NPSR1: variants seen among roughly 807,000 people sequenced by gnomAD.
NPSR1 encodes the protein neuropeptide S receptor.
A neutral mutation model predicts 46.9 loss-of-function variants in NPSR1; 48 were observed. The ratio of observed to expected loss-of-function variants is 1.02; its 90% CI spans 0.81 to 1.30. The LOEUF (loss-of-function observed/expected upper bound fraction) is 1.30, where lower values mean the gene tolerates loss of function less well. Among genes scored for constraint, NPSR1 ranks in the 50% most tolerant of loss-of-function variants. The probability of loss-of-function intolerance (pLI) is 0.00; values close to 1 mark genes in which losing one functional copy is unlikely to be tolerated. For synonymous variants in NPSR1, 176 were observed against 168.1 expected (o/e 1.05, Z -0.36); for missense variants, 450 against 449.5 (o/e 1.00, Z -0.01).
rs187609039 is a variant in NPSR1 at position 34,686,402 on chromosome 7, T to C, written c.280+1718T>C. 6.8e-3 allele frequency among the ~76,000 whole-genome samples: 1,034 copies of C among 152,254 alleles called. 7 individuals carry two copies. Among genetic ancestry groups the C allele is most frequent in the South Asian group, 0.019 (90 of 4,822 alleles). ...TTATATATTATTGAAATTTCCTTCA[T>C]ACACATTTTAGCATGATCACAGATC... On this transcript the variant is annotated intron_variant, in intron 2 of 8. Transcript: ENST00000360581.
intron 7 of NPSR1, among the ~76,000 whole-genome samples, chr7:34,847,769 G>A (rs1052995485): frequency 2.6e-5 from 4 of 152,130 alleles, no homozygotes; most frequent in African/African-American, 4.8e-5. Flanking sequence ...CTCCAGAAAC[G>A]TCTTCATACA....
intron 2 of NPSR1, among the ~76,000 whole-genome samples, chr7:34,743,670 C>T (rs193101326): frequency 6.6e-6 from 1 of 152,154 alleles, no homozygotes; most frequent in Non-Finnish European, 1.5e-5. Flanking sequence ...GAACTCCTAA[C>T]CTCGTATCAG....
chr7:34,730,959 G>A (rs899814102), intron 2 of NPSR1, among the ~76,000 whole-genome samples: 1 of 152,054 alleles, frequency 6.6e-6, no homozygotes, highest in Non-Finnish European at 1.5e-5. Context: ...TAGTAAAATA[G>A]GTTAAAGTTT....
At chr7:34,805,180 C>T (rs1324294583) in intron 3 of NPSR1, among the ~76,000 whole-genome samples, 1 of 151,634 alleles carries the variant, frequency 6.6e-6, no homozygotes, top group African/African-American at 2.4e-5. Flanking sequence ...TATAAACAAA[C>T]TCTAAAATCA....
chr7:34,793,545 T>A (rs1466115063), intron 3 of NPSR1, among the ~76,000 whole-genome samples: 3 of 152,120 alleles, frequency 2.0e-5, no homozygotes, highest in Non-Finnish European at 4.4e-5. Flanking sequence ...CTAGTTAGAA[T>A]GGCTACTACA....
At chr7:34,791,106 A>G (rs1176960076) in intron 3 of NPSR1, among the ~76,000 whole-genome samples, 1 of 92,082 alleles carries the variant, frequency 1.1e-5, no homozygotes, top group African/African-American at 5.1e-5. Context: ...TATATATAAT[A>G]TGTTATATAA....
At chr7:34,774,998 A>G (rs1273555822) in intron 2 of NPSR1, among the ~76,000 whole-genome samples, 2 of 152,180 alleles carry the variant, frequency 1.3e-5, no homozygotes, top group Non-Finnish European at 2.9e-5. Flanking sequence ...GTATTCTAGC[A>G]GACTTTCACT....
At chr7:34,752,463 G>C (rs1272902738) in intron 2 of NPSR1, among the ~76,000 whole-genome samples, 1 of 152,154 alleles carries the variant, frequency 6.6e-6, no homozygotes, top group East Asian at 1.9e-4. Flanking sequence ...ATTTTGTCAT[G>C]CCTTAAGTCC....
intron 2 of NPSR1, among the ~76,000 whole-genome samples, chr7:34,693,060 C>G (rs970260354): frequency 1.1e-4 from 17 of 152,142 alleles, no homozygotes; most frequent in Non-Finnish European, 2.9e-5. Flanking sequence ...TTTGTGAGAT[C>G]TGGTGTTGCA....
intron 2 of NPSR1, among the ~76,000 whole-genome samples, chr7:34,749,247 G>A (rs1339257352): frequency 6.6e-6 from 1 of 152,118 alleles, no homozygotes; most frequent in Admixed American, 6.5e-5. Flanking sequence ...GGGAATGTGT[G>A]GAAAAAGGCA....
At chr7:34,812,810 T>G (rs1789053288) in intron 4 of NPSR1, among the ~76,000 whole-genome samples, 1 of 152,126 alleles carries the variant, frequency 6.6e-6, no homozygotes, top group Non-Finnish European at 1.5e-5. Flanking sequence ...ACCACAAAAA[T>G]GAGTGCAATC....
chr7:34,827,796 G>C (rs1389204859), intron 5 of NPSR1, among the ~76,000 whole-genome samples, 194 bp downstream of exon 5: 2 of 152,110 alleles, frequency 1.3e-5, no homozygotes, highest in Non-Finnish European at 2.9e-5. Flanking sequence ...AAGGAGAAGG[G>C]AATTAACAAT....
chr7:34,781,660 C>T (rs1341415638), intron 3 of NPSR1, among the ~76,000 whole-genome samples: 1 of 152,184 alleles, frequency 6.6e-6, no homozygotes, highest in Non-Finnish European at 1.5e-5. Context: ...TCCTCCTATC[C>T]CCCAAGAAGC....
intron 2 of NPSR1, among the ~76,000 whole-genome samples, chr7:34,716,116 A>G (rs1260205894): frequency 6.6e-6 from 1 of 152,118 alleles, no homozygotes; most frequent in Non-Finnish European, 1.5e-5. Context: ...CAGTATGCAA[A>G]TGGGTGATCT....
At chr7:34,824,298 C>T (rs941430852) in intron 4 of NPSR1, among the ~76,000 whole-genome samples, 1 of 152,114 alleles carries the variant, frequency 6.6e-6, no homozygotes, top group Non-Finnish European at 1.5e-5. Flanking sequence ...AAGAGGAAGG[C>T]TAAGCGGCAG....
In NPSR1 at chr7:34,756,183, G is replaced by A. The variant is rs570013511; in HGVS notation, c.281-22279G>A. ...AACAGCTCGGATTGTTCTCCCCACC[G>A]CCCCCCTACTTCCTGTCCTAATTAA... is the stretch of plus-strand genomic sequence containing the variant. On this transcript the variant is annotated intron_variant, in intron 2 of 8. Coordinates refer to ENST00000360581, the MANE Select transcript of NPSR1 (RefSeq NM_207172.2). Among the ~76,000 whole-genome samples the A allele has an allele frequency of 9.9e-5, 15 of 152,150 alleles. No individual in the cohort carries two copies. In the East Asian group the frequency reaches 2.1e-3, roughly 22 times the overall value.
intron 2 of NPSR1, among the ~76,000 whole-genome samples, chr7:34,687,316 C>T (rs1466276410): frequency 6.6e-6 from 1 of 152,136 alleles, no homozygotes; most frequent in Non-Finnish European, 1.5e-5. Context: ...ATAAGATATA[C>T]AGTGATAACT....
At chr7:34,736,445 T>C (rs2128716536) in intron 2 of NPSR1, among the ~76,000 whole-genome samples, 1 of 152,230 alleles carries the variant, frequency 6.6e-6, no homozygotes, top group African/African-American at 2.4e-5. Context: ...TCACCCTGCC[T>C]CTTTTCATGA....
chr7:34,859,818 C>T (rs983610743), intron 8 of NPSR1, among the ~76,000 whole-genome samples: 2 of 151,696 alleles, frequency 1.3e-5, no homozygotes, highest in African/African-American at 2.4e-5. Context: ...CTCACCCAGG[C>T]GATTCATCCA....
Sources: allele counts gnomAD v4.1 joint callset (sites outside exome capture counted in the v4.1 genomes callset), GRCh38; gene constraint gnomAD v4.1.1; transcripts MANE v1.5; gene names NCBI Gene and HGNC (gene_info 2026-07-23, HGNC 2026-07-21).